VAT1L: variants seen among roughly 807,000 people sequenced by gnomAD.
The protein encoded by VAT1L is vesicle amine transport 1 like, also known as putative NADPH-dependent quinone oxidoreductase VAT1L.
A neutral mutation model predicts 44.1 loss-of-function variants in VAT1L; 34 were observed. The observed-to-expected ratio is 0.77, with a 90% confidence interval of 0.59 to 1.03. The LOEUF (loss-of-function observed/expected upper bound fraction) is 1.03, where lower values mean the gene tolerates loss of function less well. VAT1L is among the 50% of genes least tolerant of loss of function. The pLI, the probability that VAT1L is intolerant of heterozygous loss-of-function variation, is 0.00. For missense variants in VAT1L, 615 were observed against 538.8 expected (o/e 1.14, Z -1.40); for synonymous variants, 253 against 202.2 (o/e 1.25, Z -2.13).
Position 77,876,275 on chromosome 16 carries a change from C to G in VAT1L, c.723-95C>G, listed in dbSNP as rs187265792. 2,368 of 1,126,672 alleles carry G rather than the reference C, an allele frequency of 2.1e-3. 23 individuals carry two copies. The highest frequency in any genetic ancestry group is 8.9e-4 in the Non-Finnish European group (661 of 745,096). 69.8% of individuals were successfully genotyped at this position (1,126,672 alleles called of 1,614,324 possible). A position where few individuals can be genotyped will look rare whatever the true frequency, so the allele number is the denominator to read the frequency against. ...CCTGGAGCTTTCAGGGTTCCTAATT[C>G]TGAGAGTCAGACAATATGACACAGG... On this transcript the variant is annotated intron_variant, in intron 4 of 8. Transcript: ENST00000302536.
At chr16:77,972,371 T>G (rs2018289156) in intron 8 of VAT1L, among the ~76,000 whole-genome samples, 1 of 151,872 alleles carries the variant, frequency 6.6e-6, no homozygotes, top group Non-Finnish European at 1.5e-5. Context: ...CAGGCTGGAG[T>G]GCAGTAGCAC....
At chr16:77,829,804 G>A (rs1339316513) in intron 3 of VAT1L, among the ~76,000 whole-genome samples, 1 of 152,142 alleles carries the variant, frequency 6.6e-6, no homozygotes, top group Non-Finnish European at 1.5e-5. Context: ...TGGCATTACT[G>A]TTCCTGTGAG....
At chr16:77,948,428 G>C (rs79674507) in intron 7 of VAT1L, among the ~76,000 whole-genome samples, 17 of 152,300 alleles carry the variant, frequency 1.1e-4, no homozygotes, top group African/African-American at 4.1e-4. Flanking sequence ...AACATATGCT[G>C]GGTCCTTAGC....
intron 3 of VAT1L, among the ~76,000 whole-genome samples, chr16:77,856,196 A>G (rs1180920293): frequency 6.6e-6 from 1 of 152,188 alleles, no homozygotes; most frequent in Non-Finnish European, 1.5e-5. Flanking sequence ...AGAGGGTGGC[A>G]CTTAGGAAGA....
chr16:77,891,210 C>T (rs999797604), intron 7 of VAT1L, among the ~76,000 whole-genome samples: 3 of 152,016 alleles, frequency 2.0e-5, no homozygotes, highest in Non-Finnish European at 4.4e-5. Flanking sequence ...AAACATTAGC[C>T]GGGCGTGATG....
At chr16:77,951,128 G>A (rs2018037335) in intron 7 of VAT1L, among the ~76,000 whole-genome samples, 1 of 152,216 alleles carries the variant, frequency 6.6e-6, no homozygotes, top group South Asian at 2.1e-4. Context: ...TACGTTGGCT[G>A]CACTGGCTGT....
intron 7 of VAT1L, among the ~76,000 whole-genome samples, chr16:77,948,050 G>A (rs28689086): frequency 0.13 from 20,305 of 152,114 alleles, 1,682 homozygotes; most frequent in East Asian, 0.39. Context: ...GTGTACCACC[G>A]CGCCCGGCCC....
At chr16:77,872,606 G>T (rs1597076777) in intron 4 of VAT1L, among the ~76,000 whole-genome samples, 1 of 152,074 alleles carries the variant, frequency 6.6e-6, no homozygotes, top group Non-Finnish European at 1.5e-5. Context: ...TCATGCTCCA[G>T]CCACAGTGGC....
chr16:77,955,148 C>G (rs1376327308), intron 7 of VAT1L, among the ~76,000 whole-genome samples: 1 of 152,146 alleles, frequency 6.6e-6, no homozygotes, highest in Non-Finnish European at 1.5e-5. Flanking sequence ...TGAGATGGGG[C>G]AGGTGCATGC....
At chr16:77,944,956 T>C (rs1294434148) in intron 7 of VAT1L, among the ~76,000 whole-genome samples, 2 of 152,158 alleles carry the variant, frequency 1.3e-5, no homozygotes, top group Non-Finnish European at 2.9e-5. Flanking sequence ...TTCCAAGCTG[T>C]CTTCATCCAT....
intron 7 of VAT1L, among the ~76,000 whole-genome samples, chr16:77,929,183 T>C (rs2017701530): frequency 6.6e-6 from 1 of 152,220 alleles, no homozygotes; most frequent in Non-Finnish European, 1.5e-5. Context: ...CTGCATTCTC[T>C]GGATTGATGG....
intron 4 of VAT1L, among the ~76,000 whole-genome samples, chr16:77,868,390 G>A (rs2016997418): frequency 6.6e-6 from 1 of 152,312 alleles, no homozygotes; most frequent in South Asian, 2.1e-4. Context: ...CCCCATGCAA[G>A]ACAATGGGGT....
At chr16:77,807,469 C>G (rs538329450) in intron 1 of VAT1L, among the ~76,000 whole-genome samples, 2 of 152,296 alleles carry the variant, frequency 1.3e-5, no homozygotes, top group South Asian at 4.1e-4. Context: ...CATGCTATGT[C>G]TGGAACTTTG....
At chr16:77,826,201 C>T (rs2016520551) in intron 3 of VAT1L, among the ~76,000 whole-genome samples, 1 of 66,944 alleles carries the variant, frequency 1.5e-5, no homozygotes, top group African/African-American at 5.3e-5. Context: ...AGCGAGACTC[C>T]GTCTCAAAAA....
At chr16:77,807,526 C>CT (rs2016182790) in intron 1 of VAT1L, among the ~76,000 whole-genome samples, 1 of 152,106 alleles carries the variant, frequency 6.6e-6, no homozygotes, top group Non-Finnish European at 1.5e-5. Flanking sequence ...AGTTCAACTT[C>CT]TCCCCGTCCC....
intron 7 of VAT1L, among the ~76,000 whole-genome samples, chr16:77,956,482 T>G (rs563368556): frequency 1.1e-4 from 17 of 152,358 alleles, no homozygotes; most frequent in Admixed American, 3.3e-4. Flanking sequence ...TTGTCATATG[T>G]CAGCTGCCGC....
chr16:77,903,823 G>A (rs540527046), intron 7 of VAT1L, among the ~76,000 whole-genome samples: 94 of 145,396 alleles, frequency 6.5e-4, no homozygotes, highest in Admixed American at 1.2e-3. Flanking sequence ...TGCAAGCTCC[G>A]CCTCCTGGGT....
chr16:77,950,362 G>A (rs1210744623), intron 7 of VAT1L, among the ~76,000 whole-genome samples: 2 of 150,370 alleles, frequency 1.3e-5, no homozygotes, highest in Non-Finnish European at 2.9e-5. Flanking sequence ...TGAGCTGAGA[G>A]CATGCCACTG....
In VAT1L at chr16:77,909,030, A is replaced by T. The variant is rs935233030; in HGVS notation, c.1077+24228A>T. Among the ~76,000 whole-genome samples, 6 of 152,336 alleles carry T rather than the reference A, an allele frequency of 3.9e-5. No homozygotes were observed. In the East Asian group the frequency reaches 1.2e-3, roughly 29 times the overall value. On this transcript the variant is annotated intron_variant, in intron 7 of 8. Transcript: ENST00000302536. ...ATGACAATAACATACAGCAATGATG[A>T]TAATAATCAACACACATTGAGCATT...
Sources: allele counts gnomAD v4.1 joint callset (sites outside exome capture counted in the v4.1 genomes callset), GRCh38; gene constraint gnomAD v4.1.1; transcripts MANE v1.5; gene names NCBI Gene and HGNC (gene_info 2026-07-23, HGNC 2026-07-21).